The following GTF3C4 variants were observed in gnomAD, a reference collection of about 807,000 sequenced individuals.
GTF3C4 encodes the protein general transcription factor IIIC subunit 4, also known as general transcription factor 3C polypeptide 4.
In GTF3C4, 28 loss-of-function variants were observed where a neutral mutation model predicts 67.5. That is an observed-to-expected ratio of 0.41 (90% CI 0.31 to 0.57). The LOEUF is 0.57. GTF3C4 is among the 20% of genes least tolerant of loss of function. The probability of loss-of-function intolerance (pLI) is 0.21; values close to 1 mark genes in which losing one functional copy is unlikely to be tolerated. For synonymous variants in GTF3C4, 409 were observed against 393.0 expected (o/e 1.04, Z -0.48); for missense variants, 831 against 1,033.2 (o/e 0.80, Z 2.68).
chr9:132,686,504 G>A (rs1179380764), intron 3 of GTF3C4, among the ~76,000 whole-genome samples: 2 of 152,040 alleles, frequency 1.3e-5, no homozygotes, highest in Non-Finnish European at 2.9e-5. Flanking sequence ...CCTGAAAACT[G>A]TTATTTTTTG....
At chr9:132,683,511 T>G (rs1590137490) in intron 2 of GTF3C4, 52 bp from the exon 3 acceptor site, 1 of 1,519,694 alleles carries the variant, frequency 6.6e-7, no homozygotes, top group East Asian at 2.3e-5. Context: ...GGCTTTTTCT[T>G]CAGGAAATCC....
chr9:132,688,809 A>T (rs1434272214), intron 4 of GTF3C4, 72 bp from the exon 5 acceptor site: 1 of 1,090,578 alleles, frequency 9.2e-7, no homozygotes, highest in Non-Finnish European at 1.4e-6. Flanking sequence ...TCAACGCTAC[A>T]GTCCGGTATT....
chr9:132,686,457 A>G (rs1408939673), intron 3 of GTF3C4, among the ~76,000 whole-genome samples: 1 of 149,614 alleles, frequency 6.7e-6, no homozygotes, highest in African/African-American at 2.5e-5. Flanking sequence ...CCCTTCCCCA[A>G]CCTCCTCCTT....
At position 132,693,775 on chromosome 9, in the gene GTF3C4, A is replaced by G. The variant is rs1465649553; in HGVS notation, c.*4830A>G. ...ACTGGTAAGGTTTAGGGTTCTCTCC[A>G]CTAATGGAAAATTAAATGCTAAACG... On this transcript the variant is annotated 3_prime_UTR_variant, in exon 5 of 5. Coordinates refer to ENST00000372146, the MANE Select transcript of GTF3C4 (RefSeq NM_012204.4). The G allele has an allele frequency of 6.6e-6, 1 of 152,182 alleles. No individual in the cohort carries two copies. Among genetic ancestry groups the G allele is most frequent in the Non-Finnish European group, 1.5e-5 (1 of 68,026 alleles). 9.4% of individuals were successfully genotyped at this position (152,182 alleles called of 1,614,324 possible).
In GTF3C4 at chr9:132,689,926, G is replaced by T. The variant is rs2130904296; in HGVS notation, c.*981G>T. The T allele has an allele frequency of 6.6e-6, 1 of 152,300 alleles. No homozygotes were observed. The highest frequency in any genetic ancestry group is 2.1e-4 in the South Asian group (1 of 4,824). The allele number at this position is 152,300 out of a possible 1,614,324, so 9.4% of individuals were successfully genotyped here. On this transcript the variant is annotated 3_prime_UTR_variant, in exon 5 of 5. Transcript: ENST00000372146. Reference sequence around the variant, plus strand: ...TGCTGTAAGCTTGTGCAATTAAGTTGAACAGAGCCTGGGAATTTCTTTCCT... The same window carrying T: ...TGCTGTAAGCTTGTGCAATTAAGTTTAACAGAGCCTGGGAATTTCTTTCCT...
intron 3 of GTF3C4, among the ~76,000 whole-genome samples, chr9:132,685,219 C>T (rs1437910605): frequency 6.6e-6 from 1 of 151,732 alleles, no homozygotes; most frequent in Non-Finnish European, 1.5e-5. Context: ...CGGGGTTTCA[C>T]CATGTTGACC....
rs746342503 is a variant in GTF3C4, at chr9:132,670,574, G to A, written c.-25G>A. 12 of 1,400,260 alleles carry A rather than the reference G, an allele frequency of 8.6e-6. No individual in the cohort carries two copies. In the East Asian group the frequency reaches 2.7e-4, roughly 32 times the overall value. 86.7% of individuals were successfully genotyped at this position (1,400,260 alleles called of 1,614,324 possible). ...GCGCGACTGCGTGGAGCGCCAGGGCGTCCGACCTCTGCACCTGAGAGAAGA... is the reference window on the plus strand; with the variant it reads ...GCGCGACTGCGTGGAGCGCCAGGGCATCCGACCTCTGCACCTGAGAGAAGA... On this transcript the variant is annotated 5_prime_UTR_variant, in exon 1 of 5. Coordinates refer to ENST00000372146, the MANE Select transcript of GTF3C4 (RefSeq NM_012204.4).
chr9:132,678,741 C>T lies in GTF3C4; in HGVS notation c.1122C>T (p.Ile374=). The change falls in exon 2 of 5, where the codon ATC becomes ATT. Residue 374 remains isoleucine, a synonymous_variant. Coordinates refer to ENST00000372146, the MANE Select transcript of GTF3C4 (RefSeq NM_012204.4). The surrounding 1 kb of genome is among the most constrained non-coding windows in gnomAD (Gnocchi z 6.5). The part of the protein sequence containing the change: ...KEMDQLPVHS[I]KCVPLYHPYQ... ...TGGACCAGTTACCTGTGCACAGTAT[C>T]AAATGTGTGCCACTTTATCATCCTT... 1 of 1,613,972 alleles carries T rather than the reference C, an allele frequency of 6.2e-7. No homozygotes were observed. Among genetic ancestry groups the T allele is most frequent in the Non-Finnish European group, 8.5e-7 (1 of 1,179,826 alleles).
rs541443604 is a variant in GTF3C4 at position 132,689,140 on chromosome 9, T to C, written c.*195T>C. ...TTTCCAGAGACTAAAGGATGTCCTT[T>C]GAAATGGCTGGACTCAGAGAGTTGG... On this transcript the variant is annotated 3_prime_UTR_variant, in exon 5 of 5. Coordinates refer to ENST00000372146, the MANE Select transcript of GTF3C4 (RefSeq NM_012204.4). 113 of 570,546 alleles carry C rather than the reference T, an allele frequency of 2.0e-4. No individual in the cohort carries two copies. The highest frequency in any genetic ancestry group is 1.9e-3 in the African/African-American group (101 of 53,414). 35.3% of individuals were successfully genotyped at this position (570,546 alleles called of 1,614,324 possible).
chr9:132,694,600 T>C lies in GTF3C4; in HGVS notation c.*5655T>C, dbSNP rs1836168320. ...GATTATGGAGAAAATGAAATGGAAA[T>C]TTGGGGAGGGTGGTTTGTCAGTATA... On this transcript the variant is annotated 3_prime_UTR_variant, in exon 5 of 5. Coordinates refer to ENST00000372146, the MANE Select transcript of GTF3C4 (RefSeq NM_012204.4). 1 of 152,130 alleles carries C rather than the reference T, an allele frequency of 6.6e-6. No homozygotes were observed. Among genetic ancestry groups the C allele is most frequent in the Admixed American group, 6.6e-5 (1 of 15,258 alleles). The allele number at this position is 152,130 out of a possible 1,614,324, so 9.4% of individuals were successfully genotyped here. A position where few individuals can be genotyped will look rare whatever the true frequency, so the allele number is the denominator to read the frequency against.
chr9:132,679,089 C>T lies in GTF3C4; in HGVS notation c.1470C>T (p.Ala490=), dbSNP rs1835904385. The T allele has an allele frequency of 1.9e-6, 3 of 1,614,166 alleles. No individual in the cohort carries two copies. The highest frequency in any genetic ancestry group is 2.2e-5 in the East Asian group (1 of 44,876). ...IAVSPCGAYL[A]IITTEGMING... The stretch of plus-strand genomic sequence containing the variant: ...TGAGCCCCTGCGGTGCATACCTGGC[C>T]ATCATCACCACTGAGGGCATGATCA... The change falls in exon 2 of 5, where the codon GCC becomes GCT. Residue 490 remains alanine, a synonymous_variant. Coordinates refer to ENST00000372146, the MANE Select transcript of GTF3C4 (RefSeq NM_012204.4). The surrounding 1 kb of genome is among the most constrained non-coding windows in gnomAD (Gnocchi z 5.9).
rs1449294566 is a variant in GTF3C4 at position 132,694,589 on chromosome 9, T to C, written c.*5644T>C. ...GAAGTGGGGAAGATTATGGAGAAAA[T>C]GAAATGGAAATTTGGGGAGGGTGGT... is the stretch of plus-strand genomic sequence containing the variant. On this transcript the variant is annotated 3_prime_UTR_variant, in exon 5 of 5. Transcript: ENST00000372146. 1 of 152,154 alleles carries C rather than the reference T, an allele frequency of 6.6e-6. No individual in the cohort carries two copies. The highest frequency in any genetic ancestry group is 1.9e-4 in the East Asian group (1 of 5,196). The allele number at this position is 152,154 out of a possible 1,614,324, so 9.4% of individuals were successfully genotyped here. A position where few individuals can be genotyped will look rare whatever the true frequency, so the allele number is the denominator to read the frequency against.
chr9:132,688,307 T>C lies in GTF3C4; in HGVS notation c.2405-574T>C, dbSNP rs140318957. Among the ~76,000 whole-genome samples the C allele has an allele frequency of 2.7e-3, 404 of 152,370 alleles. 1 individual carries two copies. The highest frequency in any genetic ancestry group is 9.4e-3 in the African/African-American group (391 of 41,584). ...TTTTTACTGCAATTGATAATGGATATGCTGCTTAGGCAGGAAATCTGGAAG... is the reference window on the plus strand; with the variant it reads ...TTTTTACTGCAATTGATAATGGATACGCTGCTTAGGCAGGAAATCTGGAAG... On this transcript the variant is annotated intron_variant, in intron 4 of 4. Coordinates refer to ENST00000372146, the MANE Select transcript of GTF3C4 (RefSeq NM_012204.4).
In GTF3C4 at chr9:132,687,227, G is replaced by T. The variant is rs201636968; in HGVS notation, c.2316-12G>T. On this transcript the variant is annotated splice_polypyrimidine_tract_variant and intron_variant, in intron 3 of 4. Transcript: ENST00000372146. ...ACCCTCTCCCTTGCCAATACAGTCT[G>T]TCTTCTTTCAGGTGCTTCTTAACCT... 4.2e-5 allele frequency: 63 copies of T among 1,512,606 alleles called. No individual in the cohort carries two copies. The African/African-American group carries it at 7.0e-4, about 17-fold the overall frequency. The allele number at this position is 1,512,606 out of a possible 1,614,324, so 93.7% of individuals were successfully genotyped here.
Position 132,689,039 on chromosome 9 carries a change from A to G in GTF3C4, c.*94A>G. 1 of 918,388 alleles carries G rather than the reference A, an allele frequency of 1.1e-6. No individual in the cohort carries two copies. The highest frequency in any genetic ancestry group is 2.2e-4 in the Middle Eastern group (1 of 4,452). 56.9% of individuals were successfully genotyped at this position (918,388 alleles called of 1,614,324 possible). On this transcript the variant is annotated 3_prime_UTR_variant, in exon 5 of 5. Transcript: ENST00000372146. ...AGAAGGATGCACTGGAGGAAGCCGG[A>G]CCCTCACGAGTGGAGAGAAGTCCTT...
At chr9:132,670,320 G>A (rs1835673646), upstream of GTF3C4, 5 of 1,481,460 alleles carry the variant, frequency 3.4e-6, no homozygotes, top group South Asian at 5.6e-5. Flanking sequence ...GCCTGTCTGG[G>A]TAGCTCCCTA....
intron 3 of GTF3C4, 43 bp downstream of exon 3, chr9:132,683,736 T>A (rs750377695): frequency 6.3e-7 from 1 of 1,583,110 alleles, no homozygotes; most frequent in Non-Finnish European, 8.6e-7. Flanking sequence ...ATTTTTCAGT[T>A]TTGTGTAGCA....
At chr9:132,682,908 G>A (rs963449202) in intron 2 of GTF3C4, among the ~76,000 whole-genome samples, 1 of 152,136 alleles carries the variant, frequency 6.6e-6, no homozygotes, top group East Asian at 1.9e-4. Flanking sequence ...CCAGCCAAGA[G>A]TGTAATCTTA....
upstream of GTF3C4, chr9:132,670,295 A>T (rs1297587045): frequency 6.6e-7 from 1 of 1,503,780 alleles, no homozygotes; most frequent in Non-Finnish European, 8.9e-7. Flanking sequence ...TTTCCTCAGC[A>T]CTTTAGGAAC....
Sources: allele counts gnomAD v4.1 joint callset (sites outside exome capture counted in the v4.1 genomes callset), GRCh38; gene constraint gnomAD v4.1.1; non-coding constraint Gnocchi (gnomAD v3.1); transcripts MANE v1.5; gene names NCBI Gene and HGNC (gene_info 2026-07-23, HGNC 2026-07-21).